The following NCOA7 variants were observed in gnomAD, a reference collection of about 807,000 sequenced individuals.
NCOA7 encodes the protein nuclear receptor coactivator 7.
A neutral mutation model predicts 104.3 loss-of-function variants in NCOA7; 45 were observed. The observed-to-expected ratio is 0.43, with a 90% CI of 0.34 to 0.55. The LOEUF (loss-of-function observed/expected upper bound fraction) is 0.55. Among genes scored for constraint, NCOA7 ranks in the 20% least tolerant of loss-of-function variants. The pLI is 0.02. For synonymous variants in NCOA7, 398 were observed against 402.3 expected (o/e 0.99, Z 0.13); for missense variants, 1,041 against 1,119.7 (o/e 0.93, Z 1.00).
intron 10 of NCOA7, among the ~76,000 whole-genome samples, chr6:125,903,655 A>G (rs974703267): frequency 6.6e-6 from 1 of 151,850 alleles, no homozygotes; most frequent in African/African-American, 2.4e-5. Flanking sequence ...CTAAATAGCA[A>G]TATCTGTGAA....
In NCOA7 at chr6:125,836,410, A is replaced by G. The variant is rs115880665; in HGVS notation, c.51-18610A>G. 7.3e-3 allele frequency among the ~76,000 whole-genome samples: 1,119 copies of G among 152,336 alleles called. 10 individuals carry two copies. The highest frequency in any genetic ancestry group is 0.026 in the African/African-American group (1,069 of 41,582). On this transcript the variant is annotated intron_variant, in intron 2 of 15. Coordinates refer to ENST00000392477, the MANE Select transcript of NCOA7 (RefSeq NM_181782.5). ...GATTGAAGATTCTTTGGTCTAATCC[A>G]TACAAACAGCAATGAAATTTTCCCT...
At chr6:125,884,236 CTTTA>C (rs950280394) in intron 7 of NCOA7, among the ~76,000 whole-genome samples, 2 of 152,148 alleles carry the variant, frequency 1.3e-5, no homozygotes, top group African/African-American at 4.8e-5. Flanking sequence ...AGCACATTTT[CTTTA>C]TTCATCTATT....
intron 3 of NCOA7, among the ~76,000 whole-genome samples, chr6:125,857,424 C>T (rs1405168754): frequency 1.5e-5 from 2 of 137,066 alleles, no homozygotes; most frequent in Non-Finnish European, 3.0e-5. Context: ...CATACACACA[C>T]ACACATATAT....
rs763486714 is a variant in NCOA7, at chr6:125,927,769, A to G, written c.2619+11A>G. 1.3e-6 allele frequency: 2 copies of G among 1,596,064 alleles called. No individual in the cohort carries two copies. The highest frequency in any genetic ancestry group is 8.6e-7 in the Non-Finnish European group (1 of 1,163,538). ...AGCCCTCATTTTAAGGTACCTAGAT[A>G]GGAGAAATATCCAACTCCCATATGT... On this transcript the variant is annotated intron_variant, in intron 14 of 15. Transcript: ENST00000392477.
chr6:125,918,335 G>A (rs1787258481), intron 11 of NCOA7, among the ~76,000 whole-genome samples: 1 of 152,168 alleles, frequency 6.6e-6, no homozygotes, highest in Non-Finnish European at 1.5e-5. Flanking sequence ...TGGAGTCCCA[G>A]GGGCCCAGAG....
chr6:125,917,903 C>G lies in NCOA7; in HGVS notation c.2244+2423C>G, dbSNP rs545325584. Among the ~76,000 whole-genome samples the G allele has an allele frequency of 2.0e-5, 3 of 152,324 alleles. No individual in the cohort carries two copies. The South Asian group carries it at 6.2e-4, about 32-fold the overall frequency. On this transcript the variant is annotated intron_variant, in intron 11 of 15. Coordinates refer to ENST00000392477, the MANE Select transcript of NCOA7 (RefSeq NM_181782.5). Reference sequence around the variant, plus strand: ...ATGCCTTGTGCGCAGTAAATCTGCACTTTACATAAGATGAAGTAAACAGAG... The same window carrying G: ...ATGCCTTGTGCGCAGTAAATCTGCAGTTTACATAAGATGAAGTAAACAGAG...
Position 125,906,314 on chromosome 6 carries a change from G to A in NCOA7, c.2097-9019G>A, listed in dbSNP as rs180760598. On this transcript the variant is annotated intron_variant, in intron 10 of 15. Coordinates refer to ENST00000392477, the MANE Select transcript of NCOA7 (RefSeq NM_181782.5). ...CAATAGAGAATCTTCCATTCCGAGAGGAGGCAGGTAGGAGAGTGGGGTGAG... is the reference window on the plus strand; with the variant it reads ...CAATAGAGAATCTTCCATTCCGAGAAGAGGCAGGTAGGAGAGTGGGGTGAG... Among the ~76,000 whole-genome samples, 749 of 152,256 alleles carry A rather than the reference G, an allele frequency of 4.9e-3. 8 individuals are homozygous for A. Among genetic ancestry groups the A allele is most frequent in the African/African-American group, 0.017 (719 of 41,528 alleles).
chr6:125,841,122 A>G (rs1339299709), intron 2 of NCOA7, among the ~76,000 whole-genome samples: 1 of 149,568 alleles, frequency 6.7e-6, no homozygotes, highest in Non-Finnish European at 1.5e-5. Context: ...TGAACTCCTG[A>G]CCTAGAGATC....
At chr6:125,859,332 A>C (rs377448821) in intron 3 of NCOA7, among the ~76,000 whole-genome samples, 56 of 152,328 alleles carry the variant, frequency 3.7e-4, no homozygotes, top group African/African-American at 1.3e-3. Flanking sequence ...TTGAGCTGCC[A>C]GGTAGATTTG....
intron 5 of NCOA7, among the ~76,000 whole-genome samples, chr6:125,880,678 G>A (rs549177434): frequency 2.6e-5 from 4 of 151,902 alleles, no homozygotes; most frequent in Non-Finnish European, 5.9e-5. Flanking sequence ...ACAGGTGCGA[G>A]CCACCATGCC....
At chr6:125,841,274 G>A (rs1007601675) in intron 2 of NCOA7, among the ~76,000 whole-genome samples, 1 of 152,032 alleles carries the variant, frequency 6.6e-6, no homozygotes, top group Non-Finnish European at 1.5e-5. Context: ...GTAACATGCT[G>A]TACAGTTTTG....
chr6:125,919,397 AT>A, intron 11 of NCOA7: 1 of 1,612,770 alleles, frequency 6.2e-7, no homozygotes, highest in African/African-American at 1.3e-5. Flanking sequence ...CAGATTTTCT[AT>A]TGTGCCAGAC....
intron 2 of NCOA7, among the ~76,000 whole-genome samples, chr6:125,852,634 A>C (rs140228760): frequency 6.6e-6 from 1 of 152,258 alleles, no homozygotes; most frequent in East Asian, 1.9e-4. Context: ...ATAGCTATTC[A>C]GTTTTTCCAG....
At chr6:125,849,282 G>A (rs936342878) in intron 2 of NCOA7, among the ~76,000 whole-genome samples, 3 of 152,166 alleles carry the variant, frequency 2.0e-5, no homozygotes, top group Non-Finnish European at 4.4e-5. Flanking sequence ...AGTGAAGTAT[G>A]TGTGCATTCT....
In NCOA7 at chr6:125,865,128, G is replaced by A. The variant is rs1454982809; in HGVS notation, c.272-9761G>A. Among the ~76,000 whole-genome samples the A allele has an allele frequency of 4.3e-5, 6 of 138,000 alleles. 1 individual carries two copies. Among genetic ancestry groups the A allele is most frequent in the South Asian group, 2.2e-4 (1 of 4,576 alleles). The allele number at this position is 138,000 out of a possible 152,430, so 90.5% of individuals were successfully genotyped here. A position where few individuals can be genotyped will look rare whatever the true frequency, so the allele number is the denominator to read the frequency against. ...AAAAAATGTAGCCTATTTTACAAAC[G>A]TAAAAACTGAGAAGCTGAGTAACTG... On this transcript the variant is annotated intron_variant, in intron 3 of 15. Transcript: ENST00000392477.
At position 125,889,263 on chromosome 6, in the gene NCOA7, T is replaced by C; in HGVS notation, c.1209T>C (p.Ser403=). The change falls in exon 9 of 16, where the codon TCT becomes TCC. Residue 403 remains serine, a synonymous_variant. Coordinates refer to ENST00000392477, the MANE Select transcript of NCOA7 (RefSeq NM_181782.5). The part of the protein sequence containing the change: ...EPSDTSSAFE[S]TAKENFLGED... Reference sequence around the variant, plus strand: ...CCGACACTTCTTCTGCATTTGAATCTACAGCCAAAGAAAACTTTCTAGGGG... The same window carrying C: ...CCGACACTTCTTCTGCATTTGAATCCACAGCCAAAGAAAACTTTCTAGGGG... The C allele has an allele frequency of 6.2e-7, 1 of 1,614,072 alleles. No individual in the cohort carries two copies. The highest frequency in any genetic ancestry group is 8.5e-7 in the Non-Finnish European group (1 of 1,179,998).
intron 8 of NCOA7, among the ~76,000 whole-genome samples, chr6:125,888,156 A>G (rs1425422656): frequency 6.6e-6 from 1 of 152,254 alleles, no homozygotes; most frequent in African/African-American, 2.4e-5. Context: ...ATCCCAGGAC[A>G]ATATGTTTCA....
chr6:125,830,317 A>G (rs1779058708), intron 2 of NCOA7, among the ~76,000 whole-genome samples: 1 of 152,152 alleles, frequency 6.6e-6, no homozygotes, highest in African/African-American at 2.4e-5. Flanking sequence ...GATGAGTATC[A>G]TAAGTTTCTA....
chr6:125,807,796 T>G (rs377388728), intron 1 of NCOA7, among the ~76,000 whole-genome samples: 13 of 152,194 alleles, frequency 8.5e-5, no homozygotes, highest in African/African-American at 3.1e-4. Context: ...GCTATTAATC[T>G]TCTCCCTCCA....
Sources: gnomAD v4.1 joint callset for allele counts (sites outside exome capture counted in the v4.1 genomes callset) on GRCh38, gnomAD v4.1.1 for gene constraint, MANE v1.5 for transcripts, NCBI Gene and HGNC (gene_info 2026-07-23, HGNC 2026-07-21) for gene names.